ZBTB20: variants seen among roughly 807,000 people sequenced by gnomAD.
ZBTB20 encodes zinc finger and BTB domain-containing protein 20.
A neutral mutation model predicts 56.9 loss-of-function variants in ZBTB20; 9 were observed. That is an observed-to-expected ratio of 0.16 (90% CI 0.10 to 0.28). The LOEUF (loss-of-function observed/expected upper bound fraction) is 0.28. Ranked by LOEUF, ZBTB20 falls within the 10% of genes least tolerant of loss-of-function variation. ZBTB20 has a pLI of 1.00. For synonymous variants in ZBTB20, 417 were observed against 420.7 expected (o/e 0.99, Z 0.11); for missense variants, 655 against 1,003.0 (o/e 0.65, Z 4.69).
At chr3:114,484,386 A>C (rs904547606) in intron 7 of ZBTB20, among the ~76,000 whole-genome samples, 1 of 152,114 alleles carries the variant, frequency 6.6e-6, no homozygotes, top group Non-Finnish European at 1.5e-5. Flanking sequence ...ACAAAAGGAG[A>C]GCGAGACTTT....
At chr3:114,642,134 A>G (rs577873093) in intron 6 of ZBTB20, among the ~76,000 whole-genome samples, 4 of 152,116 alleles carry the variant, frequency 2.6e-5, no homozygotes, top group Admixed American at 6.6e-5. Flanking sequence ...CTACTTGCAA[A>G]GGTGGTAGGG....
intron 2 of ZBTB20, among the ~76,000 whole-genome samples, chr3:115,008,098 C>G (rs1322870125): frequency 6.6e-6 from 1 of 151,822 alleles, no homozygotes. Context: ...TGATGACTCT[C>G]AAGTCTGTAG....
chr3:115,040,946 A>G (rs186784009), intron 2 of ZBTB20, among the ~76,000 whole-genome samples: 72 of 152,278 alleles, frequency 4.7e-4, no homozygotes, highest in African/African-American at 1.6e-3. Context: ...TTTGACTTAA[A>G]TAATTCCTTT....
At chr3:114,861,861 C>T (rs2075550179) in intron 4 of ZBTB20, 1 of 152,162 alleles carries the variant, frequency 6.6e-6, no homozygotes, top group Non-Finnish European at 1.5e-5. Flanking sequence ...TTCACTAGAG[C>T]TGCCACCTGT....
chr3:114,453,781 G>T (rs2091791678), intron 7 of ZBTB20: 1 of 151,848 alleles, frequency 6.6e-6, no homozygotes, highest in Non-Finnish European at 1.5e-5. Flanking sequence ...GTATATATTG[G>T]GATGATGGGG....
chr3:114,624,444 A>G (rs997298462), intron 6 of ZBTB20, among the ~76,000 whole-genome samples: 6 of 152,148 alleles, frequency 3.9e-5, no homozygotes, highest in Non-Finnish European at 7.3e-5. Flanking sequence ...ACCAGAATGC[A>G]GCCATGTCTC....
At chr3:114,979,937 A>G (rs1451930243) in intron 2 of ZBTB20, among the ~76,000 whole-genome samples, 1 of 152,014 alleles carries the variant, frequency 6.6e-6, no homozygotes, top group Non-Finnish European at 1.5e-5. Flanking sequence ...AGCCATCTGA[A>G]ATAAAGTCAA....
intron 3 of ZBTB20, among the ~76,000 whole-genome samples, chr3:114,912,461 T>C (rs2075580174): frequency 6.6e-6 from 1 of 151,908 alleles, no homozygotes; most frequent in Non-Finnish European, 1.5e-5. Flanking sequence ...TTTTAAACTT[T>C]TTATTTTAAT....
At chr3:114,786,082 C>G (rs2070466275) in intron 5 of ZBTB20, among the ~76,000 whole-genome samples, 1 of 151,914 alleles carries the variant, frequency 6.6e-6, no homozygotes. Context: ...TGGTAGTGAA[C>G]AGCCATGTTT....
intron 3 of ZBTB20, among the ~76,000 whole-genome samples, chr3:114,961,291 A>G (rs1416607513): frequency 2.6e-5 from 4 of 151,998 alleles, no homozygotes; most frequent in Non-Finnish European, 5.9e-5. Flanking sequence ...ATCCTCCTTC[A>G]ATACAAAAAA....
chr3:114,710,721 C>G (rs1222236272), intron 5 of ZBTB20, among the ~76,000 whole-genome samples: 1 of 152,194 alleles, frequency 6.6e-6, no homozygotes, highest in Non-Finnish European at 1.5e-5. Flanking sequence ...ACTATGATAA[C>G]TACTACATGC....
At chr3:115,131,585 CAT>C (rs1261875343) in intron 1 of ZBTB20, among the ~76,000 whole-genome samples, 27 of 152,124 alleles carry the variant, frequency 1.8e-4, no homozygotes, top group South Asian at 2.1e-4. Context: ...AAAAAATACA[CAT>C]GTTCTTAAAT....
At chr3:114,531,405 T>C (rs1203638256) in intron 6 of ZBTB20, among the ~76,000 whole-genome samples, 2 of 152,204 alleles carry the variant, frequency 1.3e-5, no homozygotes, top group Non-Finnish European at 2.9e-5. Context: ...TTTAACTCAG[T>C]GTCAGAGAAT....
At chr3:114,831,025 T>C (rs1320924756) in intron 4 of ZBTB20, among the ~76,000 whole-genome samples, 5 of 150,850 alleles carry the variant, frequency 3.3e-5, no homozygotes, top group African/African-American at 1.2e-4. Flanking sequence ...TCTACAGTCA[T>C]TGAGAACAAT....
chr3:114,938,202 AT>A lies in ZBTB20; in HGVS notation c.-456+36163del, dbSNP rs1324825398. On this transcript the variant is annotated intron_variant, in intron 3 of 11. Transcript: ENST00000675478. Reference sequence around the variant, plus strand: ...TTTGTCAGATGGATAGATGGCAAAAATTTTCTCCCATTCTGTAAGTCGCCTG... The same window carrying A: ...TTTGTCAGATGGATAGATGGCAAAAATTTCTCCCATTCTGTAAGTCGCCTG... Among the ~76,000 whole-genome samples the A allele has an allele frequency of 2.7e-5, 4 of 146,150 alleles. 1 individual carries two copies. Among genetic ancestry groups the A allele is most frequent in the African/African-American group, 1.1e-4 (4 of 35,824 alleles).
chr3:115,116,118 A>C (rs1371298205), intron 1 of ZBTB20, among the ~76,000 whole-genome samples: 2 of 151,972 alleles, frequency 1.3e-5, no homozygotes, highest in South Asian at 2.1e-4. Context: ...AGTTTTAGTT[A>C]AACTAATCTG....
chr3:114,508,795 C>A (rs1428291076), intron 6 of ZBTB20, among the ~76,000 whole-genome samples: 1 of 152,076 alleles, frequency 6.6e-6, no homozygotes, highest in African/African-American at 2.4e-5. Flanking sequence ...GTCAGCTATG[C>A]CAATTTCTTC....
chr3:115,019,045 G>C (rs1025824392), intron 2 of ZBTB20, among the ~76,000 whole-genome samples: 1 of 151,006 alleles, frequency 6.6e-6, no homozygotes, highest in East Asian at 2.0e-4. Flanking sequence ...TTTGTCCTTT[G>C]TACCCGACAT....
chr3:115,051,074 A>G (rs1286833569), intron 2 of ZBTB20, among the ~76,000 whole-genome samples: 1 of 152,108 alleles, frequency 6.6e-6, no homozygotes, highest in Non-Finnish European at 1.5e-5. Context: ...ATTTTATAAT[A>G]CTAAAACTTA....
Sources: gnomAD v4.1 joint callset for allele counts (sites outside exome capture counted in the v4.1 genomes callset) on GRCh38, gnomAD v4.1.1 for gene constraint, MANE v1.5 for transcripts, NCBI Gene and HGNC (gene_info 2026-07-23, HGNC 2026-07-21) for gene names.